The following PIP5K1A variants were observed in gnomAD, a reference collection of about 807,000 sequenced individuals.
PIP5K1A encodes the protein phosphatidylinositol-4-phosphate 5-kinase type 1 alpha.
A neutral mutation model predicts 72.9 loss-of-function variants in PIP5K1A; 46 were observed. The ratio of observed to expected loss-of-function variants is 0.63; its 90% CI spans 0.50 to 0.81. The LOEUF is 0.81. Among genes scored for constraint, PIP5K1A ranks in the 30% least tolerant of loss-of-function variants. The probability of loss-of-function intolerance (pLI) is 0.00; values close to 1 mark genes in which losing one functional copy is unlikely to be tolerated. For missense variants in PIP5K1A, 458 were observed against 706.1 expected, an observed-to-expected ratio of 0.65 and a Z score of 3.98; for synonymous variants, 228 against 255.1, an observed-to-expected ratio of 0.89 and a Z score of 1.01.
intron 1 of PIP5K1A, among the ~76,000 whole-genome samples, chr1:151,212,881 C>CTT (rs59115186): frequency 1.6e-4 from 18 of 113,004 alleles, no homozygotes; most frequent in East Asian, 7.7e-4. Flanking sequence ...CTGACTTTGC[C>CTT]TTTTTTTTTT....
intron 1 of PIP5K1A, among the ~76,000 whole-genome samples, chr1:151,209,642 T>C (rs981754625): frequency 1.3e-5 from 2 of 152,050 alleles, no homozygotes; most frequent in African/African-American, 4.8e-5. Flanking sequence ...TTTCTCCATG[T>C]TGGTCAGGCT....
In PIP5K1A at chr1:151,207,402, T is replaced by TTGTAGGATTAGAAGCA. The variant is rs1305156682; in HGVS notation, c.85+8324_85+8325insAGGATTAGAAGCATGT. Among the ~76,000 whole-genome samples the TTGTAGGATTAGAAGCA allele has an allele frequency of 1.3e-3, 200 of 152,266 alleles. 1 individual carries two copies. In the Middle Eastern group the frequency reaches 0.014, roughly 10 times the overall value. On this transcript the variant is annotated intron_variant, in intron 1 of 15. Transcript: ENST00000368888. The stretch of plus-strand genomic sequence containing the variant: ...ATTTGAGGTCTGAGAACCATGAAAC[T>TTGTAGGATTAGAAGCA]TGTTTGTAGGATTAGAAGCAAAAGT...
chr1:151,221,339 A>G (rs1688369929), intron 1 of PIP5K1A, among the ~76,000 whole-genome samples: 1 of 152,208 alleles, frequency 6.6e-6, no homozygotes, highest in African/African-American at 2.4e-5. Context: ...TTTGGCATTA[A>G]ACTAAGGCTG....
chr1:151,240,086 C>T, intron 12 of PIP5K1A, 47 bp downstream of exon 12: 1 of 1,366,876 alleles, frequency 7.3e-7, no homozygotes. Flanking sequence ...CCAGTGGCTC[C>T]CTTACCCCAA....
upstream of PIP5K1A, chr1:151,198,098 C>T (rs1245790917): frequency 6.4e-6 from 3 of 470,716 alleles, no homozygotes; most frequent in Non-Finnish European, 1.3e-5. Context: ...AGATCTATTT[C>T]GAATGCCATT....
chr1:151,238,350 G>T, intron 10 of PIP5K1A, 85 bp downstream of exon 10: 1 of 898,714 alleles, frequency 1.1e-6, no homozygotes, highest in Non-Finnish European at 1.9e-6. Context: ...TTGTTACCAA[G>T]TTCTTCCGGA....
chr1:151,236,652 A>G lies in PIP5K1A; in HGVS notation c.1034A>G (p.Gln345Arg). The G allele has an allele frequency of 1.2e-6, 2 of 1,613,678 alleles. No homozygotes were observed. Among genetic ancestry groups the G allele is most frequent in the East Asian group, 2.2e-5 (1 of 44,866 alleles). The change falls in exon 9 of 16, where the codon CAG becomes CGG. Residue 345 changes from glutamine (Q) to arginine (R), a missense_variant. Gln to Arg is a conservative substitution (Grantham distance 43, BLOSUM62 1). Coordinates refer to ENST00000368888, the MANE Select transcript of PIP5K1A (RefSeq NM_001135638.2). ...CGAGAGCCCTTAAGCAGTGAAACAC[A>G]GTACTCAGTTGATACTCGAAGACCG... ...AQREPLSSET[Q>R]YSVDTRRPAP...
chr1:151,210,587 T>C (rs1227796065), intron 1 of PIP5K1A, among the ~76,000 whole-genome samples: 5 of 152,070 alleles, frequency 3.3e-5, no homozygotes, highest in Non-Finnish European at 7.4e-5. Context: ...ACTATTGACA[T>C]ACATATATAT....
Position 151,231,764 on chromosome 1 carries a change from C to T in PIP5K1A, c.331C>T (p.Gln111Ter). The change falls in exon 5 of 16, where the codon CAA becomes TAA. Residue 111 changes from glutamine (Q) to a stop codon, truncating the protein, a stop_gained. Coordinates refer to ENST00000368888, the MANE Select transcript of PIP5K1A (RefSeq NM_001135638.2). LOFTEE classifies it high-confidence loss of function. ...CAAACCAGAGCGTGATGTCCTCATG[C>T]AAGATTTCTACGTGGTTGAGAGTAT... is the stretch of plus-strand genomic sequence containing the variant. ...STKPERDVLM[Q>*]DFYVVESIFF... 6.2e-7 allele frequency: 1 copy of T among 1,613,906 alleles called. No individual in the cohort carries two copies. Among genetic ancestry groups the T allele is most frequent in the Non-Finnish European group, 8.5e-7 (1 of 1,179,806 alleles).
intron 1 of PIP5K1A, among the ~76,000 whole-genome samples, chr1:151,207,998 A>G (rs1202697624): frequency 6.6e-6 from 1 of 151,132 alleles, no homozygotes; most frequent in Non-Finnish European, 1.5e-5. Flanking sequence ...AGCTGGGATT[A>G]CAGGCACATG....
At chr1:151,224,074 A>G (rs968973476) in intron 1 of PIP5K1A, 171 bp from the exon 2 acceptor site, 2 of 647,872 alleles carry the variant, frequency 3.1e-6, no homozygotes, top group African/African-American at 1.8e-5. Flanking sequence ...GAGTATGGAG[A>G]AGGAGAGAGG....
At chr1:151,243,707 TAGA>T (rs1404391357) in intron 14 of PIP5K1A, among the ~76,000 whole-genome samples, 1 of 152,154 alleles carries the variant, frequency 6.6e-6, no homozygotes, top group Non-Finnish European at 1.5e-5. Flanking sequence ...TTCTTTCCAG[TAGA>T]ATTTTAGGGG....
chr1:151,231,630 C>T (rs747056539), intron 4 of PIP5K1A, 41 bp from the exon 5 acceptor site: 3 of 1,582,472 alleles, frequency 1.9e-6, no homozygotes, highest in Middle Eastern at 1.7e-4. Flanking sequence ...TATGATCCTA[C>T]TTATACTAGG....
At chr1:151,226,265 T>G (rs1347156701) in intron 3 of PIP5K1A, among the ~76,000 whole-genome samples, 2 of 151,940 alleles carry the variant, frequency 1.3e-5, no homozygotes, top group East Asian at 4.0e-4. Flanking sequence ...TTTTGTGTTT[T>G]TAGTAGAGAC....
intron 1 of PIP5K1A, among the ~76,000 whole-genome samples, chr1:151,221,911 A>G (rs1175058491): frequency 2.0e-5 from 3 of 152,096 alleles, no homozygotes; most frequent in African/African-American, 7.2e-5. Flanking sequence ...ATATCTACAA[A>G]AAAGAATAAT....
At chr1:151,209,024 G>A (rs1247637366) in intron 1 of PIP5K1A, among the ~76,000 whole-genome samples, 1 of 150,906 alleles carries the variant, frequency 6.6e-6, no homozygotes, top group Non-Finnish European at 1.5e-5. Flanking sequence ...GAGCCACTGC[G>A]CCTGGCCGCT....
At chr1:151,207,704 G>A (rs1034392963) in intron 1 of PIP5K1A, among the ~76,000 whole-genome samples, 4 of 151,350 alleles carry the variant, frequency 2.6e-5, no homozygotes, top group Non-Finnish European at 5.9e-5. Flanking sequence ...GCTAATTTTT[G>A]TATTTTTAGC....
chr1:151,232,356 T>A lies in PIP5K1A; in HGVS notation c.477T>A (p.Asp159Glu). Residue 159 changes from aspartate (D) to glutamate (E), a missense_variant, in exon 6 of 16, where the codon GAT becomes GAA. This residue lies in a region of PIP5K1A where 220 missense variants were observed against 442.6 expected (regional missense o/e 0.50). Transcript: ENST00000368888. Reference sequence around the variant, plus strand: ...GGGAGCTATTTGGTATCCGGCCCGATGATTACTTGGTAAGCATCTGGATAT... The same window carrying A: ...GGGAGCTATTTGGTATCCGGCCCGAAGATTACTTGGTAAGCATCTGGATAT... The part of the protein sequence containing the change: ...YFRELFGIRP[D>E]DYLYSLCSEP... 1 of 1,611,528 alleles carries A rather than the reference T, an allele frequency of 6.2e-7. No homozygotes were observed. The highest frequency in any genetic ancestry group is 8.5e-7 in the Non-Finnish European group (1 of 1,177,590).
At chr1:151,212,851 G>A (rs1459815999) in intron 1 of PIP5K1A, among the ~76,000 whole-genome samples, 1 of 147,474 alleles carries the variant, frequency 6.8e-6, no homozygotes, top group Non-Finnish European at 1.5e-5. Flanking sequence ...GGGATTATAC[G>A]CGTGAGCCAC....
Sources: gnomAD v4.1 joint callset for allele counts (sites outside exome capture counted in the v4.1 genomes callset) on GRCh38, gnomAD v4.1.1 for gene constraint, gnomAD v4.1.1 regional missense constraint, MANE v1.5 for transcripts, NCBI Gene and HGNC (gene_info 2026-07-23, HGNC 2026-07-21) for gene names.